SNX1: variants seen among roughly 807,000 people sequenced by gnomAD.
SNX1 encodes the protein sorting nexin-1.
In SNX1, 36 loss-of-function variants were observed where a neutral mutation model predicts 71.8. The observed-to-expected ratio is 0.50, with a 90% CI of 0.38 to 0.66. The LOEUF (loss-of-function observed/expected upper bound fraction) is 0.66. Among genes scored for constraint, SNX1 ranks in the 30% least tolerant of loss-of-function variants. The probability of loss-of-function intolerance (pLI) is 0.00; values close to 1 mark genes in which losing one functional copy is unlikely to be tolerated. For synonymous variants in SNX1, 254 were observed against 240.7 expected (o/e 1.06, Z -0.51); for missense variants, 612 against 646.7 (o/e 0.95, Z 0.58).
At chr15:64,099,878 A>G (rs1261938734) in intron 1 of SNX1, among the ~76,000 whole-genome samples, 1 of 152,064 alleles carries the variant, frequency 6.6e-6, no homozygotes, top group Non-Finnish European at 1.5e-5. Context: ...TGCCTGGCCA[A>G]TTTTTGTATT....
chr15:64,136,397 T>G lies in SNX1; in HGVS notation c.1433T>G (p.Val478Gly). The stretch of plus-strand genomic sequence containing the variant: ...ATTTCAACAGTGGTCCGAAAAGAAG[T>G]GATACGGTTTGAGGTGAGATAGAAA... ...ERISTVVRKE[V>G]IRFEKEKSKD... Residue 478 changes from valine to glycine, a missense_variant, in exon 13 of 15, where the codon GTG becomes GGG. Coordinates refer to ENST00000559844, the MANE Select transcript of SNX1 (RefSeq NM_003099.5). The G allele has an allele frequency of 6.2e-7, 1 of 1,613,876 alleles. No homozygotes were observed.
At chr15:64,102,823 C>T (rs991065552) in intron 1 of SNX1, among the ~76,000 whole-genome samples, 1 of 124,196 alleles carries the variant, frequency 8.1e-6, no homozygotes, top group Non-Finnish European at 1.6e-5. Flanking sequence ...GGCTGGAGTG[C>T]AGTGGTGCAA....
intron 1 of SNX1, among the ~76,000 whole-genome samples, chr15:64,106,915 C>T (rs2081028391): frequency 6.6e-6 from 1 of 152,172 alleles, no homozygotes; most frequent in Non-Finnish European, 1.5e-5. Flanking sequence ...ATTGTTTAAA[C>T]TGTTAAATTT....
rs143952428 is a variant in SNX1, at chr15:64,140,673, T to C, written c.*3055T>C. 2 of 152,332 alleles carry C rather than the reference T, an allele frequency of 1.3e-5. No individual in the cohort carries two copies. The highest frequency in any genetic ancestry group is 4.8e-5 in the African/African-American group (2 of 41,560). The allele number at this position is 152,332 out of a possible 1,614,324, so 9.4% of individuals were successfully genotyped here. On this transcript the variant is annotated 3_prime_UTR_variant, in exon 15 of 15. Transcript: ENST00000559844. ...ATCTCAGCTCACTGCAACCTCCACC[T>C]ACCAGGTTCAAGCAATTCTCCTGCC...
At chr15:64,112,719 C>T in intron 2 of SNX1, 35 bp downstream of exon 2, 1 of 1,360,202 alleles carries the variant, frequency 7.4e-7, no homozygotes, top group Non-Finnish European at 1.0e-6. Flanking sequence ...CTAGGAACCT[C>T]CTAAATGGCT....
At chr15:64,121,522 C>A (rs2081196887) in intron 4 of SNX1, among the ~76,000 whole-genome samples, 1 of 152,188 alleles carries the variant, frequency 6.6e-6, no homozygotes, top group Non-Finnish European at 1.5e-5. Context: ...CAAATAAGGA[C>A]ACCAACCTGA....
chr15:64,112,717 C>T (rs2081089740), intron 2 of SNX1, 33 bp downstream of exon 2: 2 of 1,379,258 alleles, frequency 1.5e-6, no homozygotes, highest in South Asian at 2.5e-5. Flanking sequence ...CTCTAGGAAC[C>T]TCCTAAATGG....
intron 2 of SNX1, 141 bp downstream of exon 2, chr15:64,112,825 C>T (rs926218046): frequency 3.7e-5 from 20 of 536,896 alleles, no homozygotes; most frequent in African/African-American, 3.5e-4. Context: ...TTCCAAAGTA[C>T]ATGAAATACA....
In SNX1 at chr15:64,129,758, T is replaced by C; in HGVS notation, c.808-158T>C. On this transcript the variant is annotated intron_variant, in intron 8 of 14. Coordinates refer to ENST00000559844, the MANE Select transcript of SNX1 (RefSeq NM_003099.5). This position sits in a 1 kb window ranked among gnomAD's most constrained non-coding sequence, Gnocchi z 4.4. ...GTTCTTTGATTTTTCTGTATGGACA[T>C]GTTAGTTGTGGATTCCTCAGACTGC... The C allele has an allele frequency of 5.0e-6, 3 of 596,902 alleles. No homozygotes were observed. The highest frequency in any genetic ancestry group is 9.1e-6 in the Non-Finnish European group (3 of 331,292). 37.0% of individuals were successfully genotyped at this position (596,902 alleles called of 1,614,324 possible). A position where few individuals can be genotyped will look rare whatever the true frequency, so the allele number is the denominator to read the frequency against.
chr15:64,107,270 A>T (rs2081032024), intron 1 of SNX1, among the ~76,000 whole-genome samples: 1 of 152,230 alleles, frequency 6.6e-6, no homozygotes, highest in African/African-American at 2.4e-5. Flanking sequence ...AAATACAGTT[A>T]AGTTTTAACA....
At chr15:64,097,470 G>C (rs1595969777) in intron 1 of SNX1, among the ~76,000 whole-genome samples, 1 of 151,782 alleles carries the variant, frequency 6.6e-6, no homozygotes, top group African/African-American at 2.4e-5. Flanking sequence ...GAAAGTTAAC[G>C]TAAGTTGACC....
At chr15:64,136,169 G>A (rs1397762485) in intron 12 of SNX1, among the ~76,000 whole-genome samples, 161 bp from the exon 13 acceptor site, 1 of 152,102 alleles carries the variant, frequency 6.6e-6, no homozygotes, top group Admixed American at 6.5e-5. Context: ...GCCGGACTCT[G>A]ACTTACGTGT....
chr15:64,132,053 C>T (rs1277336586), intron 11 of SNX1, among the ~76,000 whole-genome samples, 161 bp downstream of exon 11: 1 of 152,202 alleles, frequency 6.6e-6, no homozygotes. Context: ...GCAATCTATT[C>T]ACCTGTTAGC....
At chr15:64,120,813 G>T (rs773694186) in intron 4 of SNX1, among the ~76,000 whole-genome samples, 5 of 152,106 alleles carry the variant, frequency 3.3e-5, no homozygotes, top group Admixed American at 6.5e-5. Flanking sequence ...TGCACTCCAC[G>T]TTGGGTAACA....
intron 13 of SNX1, 21 bp from the exon 14 acceptor site, chr15:64,136,840 G>A: frequency 1.9e-6 from 3 of 1,602,038 alleles, no homozygotes; most frequent in East Asian, 2.2e-5. Flanking sequence ...TGGATGGTCA[G>A]TGTAGAATCT....
chr15:64,137,697 G>C lies in SNX1; in HGVS notation c.*79G>C, dbSNP rs1270570425. 4 of 1,605,386 alleles carry C rather than the reference G, an allele frequency of 2.5e-6. No individual in the cohort carries two copies. Among genetic ancestry groups the C allele is most frequent in the Non-Finnish European group, 3.4e-6 (4 of 1,174,680 alleles). ...CCTCCTCCACCTTGATGGACCCCTA[G>C]TGATGCATCCTGCCTAGGCTGGACT... On this transcript the variant is annotated 3_prime_UTR_variant, in exon 15 of 15. Transcript: ENST00000559844.
intron 2 of SNX1, among the ~76,000 whole-genome samples, chr15:64,113,252 C>T (rs1441464517): frequency 6.6e-6 from 1 of 152,224 alleles, no homozygotes; most frequent in African/African-American, 2.4e-5. Flanking sequence ...AGGACAGTTT[C>T]TCAACCTTAG....
chr15:64,104,366 G>T (rs1031488631), intron 1 of SNX1, among the ~76,000 whole-genome samples: 1 of 143,394 alleles, frequency 7.0e-6, no homozygotes, highest in African/African-American at 2.6e-5. Flanking sequence ...TCTGCCTCCC[G>T]GGTTCATGCC....
At chr15:64,112,114 G>C (rs1255116753) in intron 1 of SNX1, among the ~76,000 whole-genome samples, 1 of 152,216 alleles carries the variant, frequency 6.6e-6, no homozygotes, top group Non-Finnish European at 1.5e-5. Context: ...AGATGGGTCA[G>C]TAATATCCAC....
Sources: allele counts gnomAD v4.1 joint callset (sites outside exome capture counted in the v4.1 genomes callset), GRCh38; gene constraint gnomAD v4.1.1; non-coding constraint Gnocchi (gnomAD v3.1); transcripts MANE v1.5; gene names NCBI Gene and HGNC (gene_info 2026-07-23, HGNC 2026-07-21).